The following KIF25 variants were observed in gnomAD, a reference collection of about 807,000 sequenced individuals.
KIF25 encodes the protein kinesin family member 25.
A neutral mutation model predicts 32.9 loss-of-function variants in KIF25; 19 were observed. That is an observed-to-expected ratio of 0.58 (90% confidence interval 0.40 to 0.85). The LOEUF (loss-of-function observed/expected upper bound fraction) is 0.85, where lower values mean the gene tolerates loss of function less well. KIF25 is among the 40% of genes least tolerant of loss of function. The pLI is 0.00. For synonymous variants in KIF25, 225 were observed against 213.7 expected (o/e 1.05, Z -0.46); for missense variants, 485 against 507.0 (o/e 0.96, Z 0.42).
At chr6:168,028,601 A>G (rs1222184911) in intron 5 of KIF25, among the ~76,000 whole-genome samples, 5 of 152,222 alleles carry the variant, frequency 3.3e-5, no homozygotes, top group African/African-American at 1.2e-4. Flanking sequence ...AAATTGTAAC[A>G]AAACTTTGGA....
intron 12 of KIF25, among the ~76,000 whole-genome samples, chr6:168,044,583 G>T (rs1365091080): frequency 7.3e-6 from 1 of 137,652 alleles, no homozygotes; most frequent in Non-Finnish European, 1.6e-5. Context: ...TGACCCTCCC[G>T]GAGGGTGAGG....
At chr6:168,015,973 G>A (rs1047080312) in intron 4 of KIF25, among the ~76,000 whole-genome samples, 1 of 152,176 alleles carries the variant, frequency 6.6e-6, no homozygotes. Context: ...GACATTTGAA[G>A]ACAGCAGTAA....
In KIF25 at chr6:168,026,267, G is replaced by A. The variant is rs1480998444; in HGVS notation, c.-94-3225G>A. Among the ~76,000 whole-genome samples the A allele has an allele frequency of 4.6e-5, 7 of 152,270 alleles. No homozygotes were observed. The East Asian group carries it at 7.7e-4, about 17-fold the overall frequency. On this transcript the variant is annotated intron_variant, in intron 5 of 12. Transcript: ENST00000643607. Reference sequence around the variant, plus strand: ...GGAGCAGCACAGTTCATGCCGACACGTGTCTTCTCAGAGGGCCCTGTCTCA... The same window carrying A: ...GGAGCAGCACAGTTCATGCCGACACATGTCTTCTCAGAGGGCCCTGTCTCA...
intron 5 of KIF25, among the ~76,000 whole-genome samples, chr6:168,020,388 G>A (rs997375437): frequency 1.3e-5 from 2 of 151,950 alleles, no homozygotes; most frequent in African/African-American, 2.4e-5. Context: ...AGAATTAATC[G>A]CCAGAGACAC....
Position 168,042,654 on chromosome 6 carries a change from A to G in KIF25, c.923A>G (p.Glu308Gly). 1 of 1,613,640 alleles carries G rather than the reference A, an allele frequency of 6.2e-7. No homozygotes were observed. Among genetic ancestry groups the G allele is most frequent in the Non-Finnish European group, 8.5e-7 (1 of 1,180,006 alleles). The change falls in exon 12 of 13, where the codon GAG becomes GGG. Residue 308 changes from glutamate (E) to glycine (G), a missense_variant. Physicochemically the swap from Glu to Gly is moderately conservative, Grantham distance 98. Coordinates refer to ENST00000643607, the MANE Select transcript of KIF25 (RefSeq NM_030615.4). Reference protein sequence around the residue: ...ALAGVLGALLEHRGHAPYRNS... With the variant: ...ALAGVLGALLGHRGHAPYRNS... ...GCAGGCGTCCTGGGGGCTTTGTTGG[A>G]GCACCGTGGCCATGCCCCGTACCGG...
At chr6:168,031,229 G>T (rs998505510) in intron 7 of KIF25, among the ~76,000 whole-genome samples, 2 of 152,164 alleles carry the variant, frequency 1.3e-5, no homozygotes, top group Non-Finnish European at 2.9e-5. Flanking sequence ...TTTTCCCTTT[G>T]GGAATCAGCC....
chr6:168,040,277 A>G (rs1799099891), intron 10 of KIF25, 61 bp downstream of exon 10: 1 of 1,528,322 alleles, frequency 6.5e-7, no homozygotes, highest in Non-Finnish European at 8.8e-7. Flanking sequence ...TAAGAAGAAA[A>G]AAATCAGGCC....
intron 5 of KIF25, among the ~76,000 whole-genome samples, chr6:168,018,815 C>T (rs1798750085): frequency 6.6e-6 from 1 of 152,230 alleles, no homozygotes; most frequent in Admixed American, 6.5e-5. Flanking sequence ...AGGCCTCTTC[C>T]TCTCCCCGGC....
chr6:168,013,989 C>T (rs1045432027), intron 4 of KIF25, among the ~76,000 whole-genome samples: 3 of 145,338 alleles, frequency 2.1e-5, no homozygotes, highest in Admixed American at 7.0e-5. Context: ...TGACTTTGCT[C>T]CCACCATGCA....
At chr6:168,006,228 TG>T (rs563918422) in intron 4 of KIF25, among the ~76,000 whole-genome samples, 6 of 151,292 alleles carry the variant, frequency 4.0e-5, no homozygotes, top group Admixed American at 1.3e-4. Context: ...TTTTTAGCGA[TG>T]GGGGGGTCTC....
intron 12 of KIF25, among the ~76,000 whole-genome samples, chr6:168,043,794 T>A (rs1642239924): frequency 6.6e-6 from 1 of 152,212 alleles, no homozygotes; most frequent in Admixed American, 6.5e-5. Flanking sequence ...GTCTGCACTT[T>A]TCCTCCCCCT....
chr6:168,030,749 C>A, intron 6 of KIF25, 24 bp from the exon 7 acceptor site: 4 of 1,586,702 alleles, frequency 2.5e-6, no homozygotes, highest in Non-Finnish European at 8.6e-7. Flanking sequence ...TCTATTAATA[C>A]AGCATTTTCA....
intron 4 of KIF25, among the ~76,000 whole-genome samples, chr6:168,016,912 G>A (rs375089455): frequency 1.3e-5 from 2 of 152,374 alleles, no homozygotes; most frequent in African/African-American, 2.4e-5. Flanking sequence ...TGAGGCTGGC[G>A]TTCCGTCATT....
At chr6:168,014,167 T>A (rs1798684673) in intron 4 of KIF25, among the ~76,000 whole-genome samples, 1 of 152,198 alleles carries the variant, frequency 6.6e-6, no homozygotes, top group Non-Finnish European at 1.5e-5. Flanking sequence ...AGAGTATTTG[T>A]GGTTAGTAAT....
At chr6:168,028,094 G>A (rs1485772663) in intron 5 of KIF25, among the ~76,000 whole-genome samples, 2 of 152,034 alleles carry the variant, frequency 1.3e-5, no homozygotes, top group East Asian at 3.8e-4. Flanking sequence ...GGTCTGTTGG[G>A]AATGTGTCCT....
chr6:168,022,201 T>C (rs1383814230), intron 5 of KIF25, among the ~76,000 whole-genome samples: 1 of 152,220 alleles, frequency 6.6e-6, no homozygotes, highest in African/African-American at 2.4e-5. Context: ...GCTTTTGAGA[T>C]GATCGCCTTC....
chr6:168,044,727 C>G, intron 12 of KIF25, 100 bp from the exon 13 acceptor site: 2 of 1,270,276 alleles, frequency 1.6e-6, no homozygotes, highest in Non-Finnish European at 2.2e-6. Context: ...CCGGGCGGCC[C>G]TCTCTGCAGC....
chr6:168,014,436 A>C (rs918127648), intron 4 of KIF25, among the ~76,000 whole-genome samples: 2 of 152,210 alleles, frequency 1.3e-5, no homozygotes, highest in Non-Finnish European at 2.9e-5. Flanking sequence ...AATAGAATAA[A>C]ATTTTATTGG....
At chr6:168,025,584 A>G (rs1032684876) in intron 5 of KIF25, among the ~76,000 whole-genome samples, 1 of 152,180 alleles carries the variant, frequency 6.6e-6, no homozygotes, top group Non-Finnish European at 1.5e-5. Context: ...CAATCCTTGC[A>G]GTTTACTGTT....
Sources: allele counts gnomAD v4.1 joint callset (sites outside exome capture counted in the v4.1 genomes callset), GRCh38; gene constraint gnomAD v4.1.1; transcripts MANE v1.5; gene names NCBI Gene and HGNC (gene_info 2026-07-23, HGNC 2026-07-21).